The following CCNF variants were observed in gnomAD, a reference collection of about 807,000 sequenced individuals.
CCNF encodes cyclin F, also known as cyclin-F.
In CCNF, 30 loss-of-function variants were observed where a neutral mutation model predicts 85.4. The observed-to-expected ratio is 0.35, with a 90% CI of 0.26 to 0.48. The LOEUF (loss-of-function observed/expected upper bound fraction) is 0.48, where lower values mean the gene tolerates loss of function less well. Among genes scored for constraint, CCNF ranks in the 20% least tolerant of loss-of-function variants. The pLI is 0.99. For missense variants in CCNF, 919 were observed against 1,010.4 expected (o/e 0.91, Z 1.23); for synonymous variants, 439 against 425.1 (o/e 1.03, Z -0.40).
intron 8 of CCNF, 81 bp downstream of exon 8, chr16:2,439,907 T>C (rs114007390): frequency 1.3e-4 from 156 of 1,229,806 alleles, no homozygotes; most frequent in African/African-American, 1.1e-3. Context: ...GGCTCCCACA[T>C]TGGGGGGCAG....
chr16:2,440,852 G>A (rs1298930526), intron 8 of CCNF, among the ~76,000 whole-genome samples: 17 of 152,174 alleles, frequency 1.1e-4, no homozygotes, highest in Admixed American at 9.8e-4. Context: ...GCTGTAGGAG[G>A]TTGAGTTGGG....
intron 2 of CCNF, among the ~76,000 whole-genome samples, chr16:2,431,871 C>T (rs560256570): frequency 6.7e-6 from 1 of 149,540 alleles, no homozygotes; most frequent in African/African-American, 2.5e-5. Context: ...CGCTCTGCCA[C>T]CCAGGCTGGA....
chr16:2,448,788 G>T, intron 10 of CCNF, 67 bp from the exon 11 acceptor site: 1 of 1,504,256 alleles, frequency 6.6e-7, no homozygotes, highest in Non-Finnish European at 9.1e-7. Flanking sequence ...TAAAGCCTTG[G>T]GTCCCTCCGC....
rs749525736 is a variant in CCNF at position 2,439,741 on chromosome 16, A to G, written c.700-8A>G. 1 of 1,613,236 alleles carries G rather than the reference A, an allele frequency of 6.2e-7. No homozygotes were observed. The highest frequency in any genetic ancestry group is 1.1e-5 in the South Asian group (1 of 91,054). On this transcript the variant is annotated splice_region_variant and splice_polypyrimidine_tract_variant and intron_variant, in intron 7 of 16. Coordinates refer to ENST00000397066, the MANE Select transcript of CCNF (RefSeq NM_001761.3). The stretch of plus-strand genomic sequence containing the variant: ...TTGTACAAAGGCTCGGTGATCTCCC[A>G]TTGACAGGTGTCAGATCCTGGGCGA...
intron 8 of CCNF, among the ~76,000 whole-genome samples, chr16:2,441,938 TATA>T (rs2065323520): frequency 3.8e-4 from 1 of 2,654 alleles, no homozygotes; most frequent in Non-Finnish European, 9.5e-4. Context: ...ATTAGCAAAT[TATA>T]TATATATATA....
chr16:2,430,110 T>C (rs1250065002), intron 1 of CCNF, among the ~76,000 whole-genome samples: 1 of 152,272 alleles, frequency 6.6e-6, no homozygotes, highest in East Asian at 1.9e-4. Context: ...CTTTTGCAGC[T>C]GATTTAATTG....
In CCNF at chr16:2,443,657, A is replaced by G. The variant is rs1371739999; in HGVS notation, c.786A>G (p.Leu262=). ...TGTCTTTTCTTCCTCAGCTGTCTTT[A>G]GCCAAAGCCTGTGCAAATGCAAACC... The part of the protein sequence containing the change: ...AKGCWEAQLS[L]AKACANANQL... The change falls in exon 9 of 17, where the codon TTA becomes TTG. Residue 262 remains leucine, a synonymous_variant. Coordinates refer to ENST00000397066, the MANE Select transcript of CCNF (RefSeq NM_001761.3). The G allele has an allele frequency of 6.2e-7, 1 of 1,613,376 alleles. No homozygotes were observed. The highest frequency in any genetic ancestry group is 1.1e-5 in the South Asian group (1 of 91,054).
chr16:2,443,123 T>G (rs1193902396), intron 8 of CCNF, among the ~76,000 whole-genome samples: 24 of 133,802 alleles, frequency 1.8e-4, no homozygotes, highest in Admixed American at 8.1e-4. Flanking sequence ...TATTACATAT[T>G]ATATATTATA....
chr16:2,451,165 G>A lies in CCNF; in HGVS notation c.1487+1250G>A, dbSNP rs1331982653. Among the ~76,000 whole-genome samples, 1 of 152,254 alleles carries A rather than the reference G, an allele frequency of 6.6e-6. No individual in the cohort carries two copies. Among genetic ancestry groups the A allele is most frequent in the Non-Finnish European group, 1.5e-5 (1 of 68,050 alleles). On this transcript the variant is annotated intron_variant, in intron 13 of 16. Coordinates refer to ENST00000397066, the MANE Select transcript of CCNF (RefSeq NM_001761.3). This position sits in a 1 kb window ranked among gnomAD's most constrained non-coding sequence, Gnocchi z 4.3. ...CCCTACCGTGGTCCAGGCGCTGGGG[G>A]AGAGGGCAGGACAGAGAGTTCAGAG...
At chr16:2,454,403 T>C (rs552851697) in intron 15 of CCNF, among the ~76,000 whole-genome samples, 16 of 152,250 alleles carry the variant, frequency 1.1e-4, no homozygotes, top group South Asian at 2.1e-4. Flanking sequence ...GGAAAGTCCA[T>C]GCAGATACGC....
At chr16:2,450,696 G>A (rs966334888) in intron 13 of CCNF, among the ~76,000 whole-genome samples, 3 of 152,170 alleles carry the variant, frequency 2.0e-5, no homozygotes, top group African/African-American at 7.2e-5. Flanking sequence ...CTGGCACACC[G>A]TGGCCCTCAG....
rs2065406964 is a variant in CCNF, at chr16:2,453,516, C to T, written c.1694C>T (p.Pro565Leu). 6.2e-7 allele frequency: 1 copy of T among 1,613,970 alleles called. No individual in the cohort carries two copies. The highest frequency in any genetic ancestry group is 1.3e-5 in the African/African-American group (1 of 74,928). The part of the protein sequence containing the change: ...TGEIHAFLSS[P>L]SGRRTKRKRE... ...GAGATCCACGCCTTCCTCAGCTCTC[C>T]CTCGGGGCGGAGAACCAAACGGTTA... is the stretch of plus-strand genomic sequence containing the variant. Residue 565 changes from proline (P) to leucine (L), a missense_variant, in exon 15 of 17, where the codon CCC (proline) becomes CTC (leucine). By Grantham distance (98) the Pro-to-Leu change is moderately conservative. This residue lies in a region of CCNF where 505 missense variants were observed against 514.8 expected (regional missense o/e 0.98). Coordinates refer to ENST00000397066, the MANE Select transcript of CCNF (RefSeq NM_001761.3). This position sits in a 1 kb window ranked among gnomAD's most constrained non-coding sequence, Gnocchi z 5.6.
At chr16:2,455,707 C>T in intron 16 of CCNF, 143 bp downstream of exon 16, 10 of 1,344,810 alleles carry the variant, frequency 7.4e-6, no homozygotes, top group East Asian at 5.4e-5. Flanking sequence ...TCCTGCCCCG[C>T]CGGGGAGTGT....
In CCNF at chr16:2,458,131, G is replaced by T. The variant is rs1309242711; in HGVS notation, c.*1111G>T. On this transcript the variant is annotated 3_prime_UTR_variant, in exon 17 of 17. Transcript: ENST00000397066. ...GCCCACGCCTGGGGAGCCTGCCTGG[G>T]GCCATGTGACCATGGCCTCTCCCTG... 1 of 152,164 alleles carries T rather than the reference G, an allele frequency of 6.6e-6. No homozygotes were observed. The highest frequency in any genetic ancestry group is 2.4e-5 in the African/African-American group (1 of 41,422). The allele number at this position is 152,164 out of a possible 1,614,324, so 9.4% of individuals were successfully genotyped here.
At chr16:2,432,200 T>C (rs1002952702) in intron 2 of CCNF, among the ~76,000 whole-genome samples, 1 of 152,178 alleles carries the variant, frequency 6.6e-6, no homozygotes, top group Non-Finnish European at 1.5e-5. Context: ...AGAATAAGAA[T>C]ACATTCTTGA....
chr16:2,453,541 A>G lies in CCNF; in HGVS notation c.1715+4A>G. On this transcript the variant is annotated splice_donor_region_variant and intron_variant, in intron 15 of 16. Coordinates refer to ENST00000397066, the MANE Select transcript of CCNF (RefSeq NM_001761.3). This position sits in a 1 kb window ranked among gnomAD's most constrained non-coding sequence, Gnocchi z 5.6. ...CCTCGGGGCGGAGAACCAAACGGTT[A>G]GTTACCCTGCGTTCTGGCTGCGCCA... 4 of 1,613,922 alleles carry G rather than the reference A, an allele frequency of 2.5e-6. No homozygotes were observed. Among genetic ancestry groups the G allele is most frequent in the Non-Finnish European group, 3.4e-6 (4 of 1,179,988 alleles).
At chr16:2,454,611 G>A (rs1353188924) in intron 15 of CCNF, among the ~76,000 whole-genome samples, 15 of 152,216 alleles carry the variant, frequency 9.9e-5, no homozygotes, top group South Asian at 2.1e-4. Flanking sequence ...CTGGTGTGGC[G>A]GCTTTTCCCA....
At chr16:2,431,775 C>T (rs113377497) in intron 2 of CCNF, among the ~76,000 whole-genome samples, 5,926 of 151,356 alleles carry the variant, frequency 0.039, 377 homozygotes, top group African/African-American at 0.13. Flanking sequence ...GAAATTCCTA[C>T]TGCTGTCTCC....
chr16:2,455,367 G>T, intron 15 of CCNF, 28 bp from the exon 16 acceptor site: 1 of 1,552,900 alleles, frequency 6.4e-7, no homozygotes, highest in Non-Finnish European at 8.8e-7. Context: ...TCCATGACTG[G>T]GTCTCCTGGG....
Sources: allele counts gnomAD v4.1 joint callset (sites outside exome capture counted in the v4.1 genomes callset), GRCh38; gene constraint gnomAD v4.1.1; regional missense constraint gnomAD v4.1.1; non-coding constraint Gnocchi (gnomAD v3.1); transcripts MANE v1.5; gene names NCBI Gene and HGNC (gene_info 2026-07-23, HGNC 2026-07-21).